The following CCDC97 variants were observed in gnomAD, a reference collection of about 807,000 sequenced individuals.
CCDC97 encodes the protein coiled-coil domain containing 97.
In CCDC97, 27 loss-of-function variants were observed where a neutral mutation model predicts 33.9. That is an observed-to-expected ratio of 0.80 (90% CI 0.59 to 1.10). The LOEUF (loss-of-function observed/expected upper bound fraction) is 1.10. Among genes scored for constraint, CCDC97 ranks in the 50% least tolerant of loss-of-function variants. The pLI is 0.00. For synonymous variants in CCDC97, 217 were observed against 194.0 expected (o/e 1.12, Z -0.99); for missense variants, 422 against 476.6 (o/e 0.89, Z 1.07).
rs565112319 is a variant in CCDC97, at chr19:41,311,925, TG to T, written c.46+1571del. 3.3e-5 allele frequency among the ~76,000 whole-genome samples: 5 copies of T among 152,284 alleles called. No individual in the cohort carries two copies. In the South Asian group the frequency reaches 1.0e-3, roughly 32 times the overall value. The stretch of plus-strand genomic sequence containing the variant: ...AAAAAAAGAAAAAAAATTTGTCTCT[TG>T]GCCCCATCTGTCTCCTTCAGAGAGT... On this transcript the variant is annotated intron_variant, in intron 1 of 4. Coordinates refer to ENST00000269967, the MANE Select transcript of CCDC97 (RefSeq NM_052848.3).
At chr19:41,314,636 TC>T (rs1180126365) in intron 1 of CCDC97, among the ~76,000 whole-genome samples, 1 of 152,250 alleles carries the variant, frequency 6.6e-6, no homozygotes, top group Non-Finnish European at 1.5e-5. Context: ...CATGGCTTAA[TC>T]CCTCACCACC....
Position 41,319,698 on chromosome 19 carries a change from G to C in CCDC97, c.627G>C (p.Lys209Asn), listed in dbSNP as rs1038200302. The C allele has an allele frequency of 6.2e-7, 1 of 1,613,802 alleles. No homozygotes were observed. Among genetic ancestry groups the C allele is most frequent in the Admixed American group, 1.7e-5 (1 of 60,010 alleles). The change falls in exon 3 of 5, where the codon AAG (lysine) becomes AAC (asparagine). Residue 209 changes from lysine (K) to asparagine (N), a missense_variant. By Grantham distance (94) the Lys-to-Asn change is moderately conservative. Coordinates refer to ENST00000269967, the MANE Select transcript of CCDC97 (RefSeq NM_052848.3). ...SARTPTHQPP[K>N]PGSPGRPACP... Reference sequence around the variant, plus strand: ...GCACCCCAACCCACCAGCCCCCCAAGCCCGGGTCCCCCGGGAGACCTGCTT... The same window carrying C: ...GCACCCCAACCCACCAGCCCCCCAACCCCGGGTCCCCCGGGAGACCTGCTT...
rs2037665758 is a variant in CCDC97 at position 41,310,314 on chromosome 19, G to C, written c.4G>C (p.Glu2Gln). 1.2e-6 allele frequency: 2 copies of C among 1,604,136 alleles called. No homozygotes were observed. The highest frequency in any genetic ancestry group is 4.5e-5 in the East Asian group (2 of 44,396). Residue 2 changes from glutamate (E) to glutamine (Q), a missense_variant, in exon 1 of 5, where the codon GAG becomes CAG. Coordinates refer to ENST00000269967, the MANE Select transcript of CCDC97 (RefSeq NM_052848.3). The stretch of plus-strand genomic sequence containing the variant: ...TGAAAAGTCCGAGAGAATCAGGATG[G>C]AGGCCGTGGCGACGGCGACGGCGGC... M[E>Q]AVATATAAKE...
intron 1 of CCDC97, 85 bp from the exon 2 acceptor site, chr19:41,316,299 G>A: frequency 9.3e-7 from 1 of 1,079,698 alleles, no homozygotes; most frequent in South Asian, 1.5e-5. Flanking sequence ...TCAGTGCCCA[G>A]TAAATGTGAG....
At chr19:41,310,512 C>T in intron 1 of CCDC97, 156 bp downstream of exon 1, 4 of 985,158 alleles carry the variant, frequency 4.1e-6, no homozygotes, top group Non-Finnish European at 4.8e-6. Flanking sequence ...AGATTATTCC[C>T]TCCCTTGTCG....
rs200696698 is a variant in CCDC97, at chr19:41,320,542, TAAC to T, written c.911+75_911+77del. 182 of 1,585,960 alleles carry T rather than the reference TAAC, an allele frequency of 1.1e-4. No individual in the cohort carries two copies. The East Asian group carries it at 3.3e-3, about 29-fold the overall frequency. ...GGCCTTTGGTCACATGCAGAGCCCT[TAAC>T]AAGCTGTGGGGGTCTCCCTTTGTGG... On this transcript the variant is annotated intron_variant, in intron 4 of 4. Transcript: ENST00000269967.
chr19:41,322,876 C>A lies in CCDC97; in HGVS notation c.*161C>A. The A allele has an allele frequency of 1.5e-6, 1 of 681,650 alleles. No individual in the cohort carries two copies. Among genetic ancestry groups the A allele is most frequent in the Non-Finnish European group, 2.3e-6 (1 of 438,722 alleles). The allele number at this position is 681,650 out of a possible 1,614,324, so 42.2% of individuals were successfully genotyped here. A position where few individuals can be genotyped will look rare whatever the true frequency, so the allele number is the denominator to read the frequency against. ...GGGTCTAGTCTCATCTCAGACAACC[C>A]CCACCCCCACTGTTTCTGGGGTTCC... On this transcript the variant is annotated 3_prime_UTR_variant, in exon 5 of 5. Transcript: ENST00000269967.
At chr19:41,321,519 G>A (rs1330377269) in intron 4 of CCDC97, among the ~76,000 whole-genome samples, 1 of 152,220 alleles carries the variant, frequency 6.6e-6, no homozygotes, top group Non-Finnish European at 1.5e-5. Flanking sequence ...GGGATAAGGC[G>A]GGGACCAAAA....
chr19:41,315,434 C>G (rs1484092112), intron 1 of CCDC97, among the ~76,000 whole-genome samples: 1 of 151,696 alleles, frequency 6.6e-6, no homozygotes, highest in African/African-American at 2.4e-5. Context: ...TAGCGAAACC[C>G]TGTCTCTACT....
intron 4 of CCDC97, among the ~76,000 whole-genome samples, chr19:41,320,936 G>A (rs1039069020): frequency 6.6e-6 from 1 of 152,192 alleles, no homozygotes; most frequent in African/African-American, 2.4e-5. Flanking sequence ...AGCACCCCAG[G>A]GCTGAGACAC....
chr19:41,319,959 C>T (rs2037802038), intron 3 of CCDC97, 107 bp downstream of exon 3: 1 of 626,574 alleles, frequency 1.6e-6, no homozygotes, highest in Non-Finnish European at 2.8e-6. Context: ...CAAAAGCCGA[C>T]ATTGCGTCCC....
chr19:41,322,492 C>A, intron 4 of CCDC97, 103 bp from the exon 5 acceptor site: 2 of 1,309,988 alleles, frequency 1.5e-6, no homozygotes, highest in Non-Finnish European at 2.1e-6. Context: ...GCTCTGACGG[C>A]TGCCAGCACA....
chr19:41,317,321 C>T (rs1167494804), intron 2 of CCDC97, among the ~76,000 whole-genome samples: 2 of 152,110 alleles, frequency 1.3e-5, no homozygotes, highest in Non-Finnish European at 2.9e-5. Context: ...TTAAAAGCAT[C>T]CTTGTGACCA....
intron 1 of CCDC97, among the ~76,000 whole-genome samples, chr19:41,316,172 C>T (rs1204357889): frequency 2.6e-5 from 4 of 152,206 alleles, no homozygotes; most frequent in South Asian, 4.1e-4. Flanking sequence ...CTCCAGGAAA[C>T]ACCTAACACA....
At position 41,315,633 on chromosome 19, in the gene CCDC97, T is replaced by A. The variant is rs555522577; in HGVS notation, c.47-751T>A. On this transcript the variant is annotated intron_variant, in intron 1 of 4. Coordinates refer to ENST00000269967, the MANE Select transcript of CCDC97 (RefSeq NM_052848.3). ...CTCAAAAAAAAAAAAGAAAAAAAAATTTAAAGATTAACTGAGTATGGTTGT... is the reference window on the plus strand; with the variant it reads ...CTCAAAAAAAAAAAAGAAAAAAAAAATTAAAGATTAACTGAGTATGGTTGT... Among the ~76,000 whole-genome samples, 52 of 149,056 alleles carry A rather than the reference T, an allele frequency of 3.5e-4. 2 individuals carry two copies. In the South Asian group the frequency reaches 0.01, roughly 29 times the overall value.
intron 1 of CCDC97, among the ~76,000 whole-genome samples, chr19:41,315,891 C>G (rs1179690492): frequency 6.6e-6 from 1 of 152,084 alleles, no homozygotes; most frequent in Admixed American, 6.5e-5. Context: ...CCCTGGAGTT[C>G]GAGACCAGCC....
intron 1 of CCDC97, among the ~76,000 whole-genome samples, chr19:41,312,594 T>C (rs2037699012): frequency 6.6e-6 from 1 of 152,166 alleles, no homozygotes; most frequent in Non-Finnish European, 1.5e-5. Context: ...AACAGAACTT[T>C]ATTCTCTCAT....
rs779071197 is a variant in CCDC97 at position 41,319,617 on chromosome 19, C to G, written c.546C>G (p.Pro182=). 6 of 1,612,788 alleles carry G rather than the reference C, an allele frequency of 3.7e-6. No homozygotes were observed. The highest frequency in any genetic ancestry group is 5.1e-6 in the Non-Finnish European group (6 of 1,179,160). The change falls in exon 3 of 5, where the codon CCC becomes CCG. Residue 182 remains proline, a synonymous_variant. Transcript: ENST00000269967. ...ATGAGCAGATGCGGTTCCGGGCCCC[C>G]CTGCTATATGAGCAGTACATCGGGC... ...FSDEQMRFRA[P]LLYEQYIGQY...
Position 41,322,810 on chromosome 19 carries a change from C to G in CCDC97, c.*95C>G. 1 of 1,426,578 alleles carries G rather than the reference C, an allele frequency of 7.0e-7. No individual in the cohort carries two copies. The highest frequency in any genetic ancestry group is 9.5e-7 in the Non-Finnish European group (1 of 1,047,316). 88.4% of individuals were successfully genotyped at this position (1,426,578 alleles called of 1,614,324 possible). A position where few individuals can be genotyped will look rare whatever the true frequency, so the allele number is the denominator to read the frequency against. On this transcript the variant is annotated 3_prime_UTR_variant, in exon 5 of 5. Transcript: ENST00000269967. Reference sequence around the variant, plus strand: ...AGTGACCCTTTCTCTAGGGGGACATCAGGGCAGTGCCCCACAACCCACACA... The same window carrying G: ...AGTGACCCTTTCTCTAGGGGGACATGAGGGCAGTGCCCCACAACCCACACA...
Sources: allele counts gnomAD v4.1 joint callset (sites outside exome capture counted in the v4.1 genomes callset), GRCh38; gene constraint gnomAD v4.1.1; transcripts MANE v1.5; gene names NCBI Gene and HGNC (gene_info 2026-07-23, HGNC 2026-07-21).